Variants in CDH4 observed in about 807,000 individuals in gnomAD.
CDH4 encodes the protein cadherin 4.
In CDH4, 33 loss-of-function variants were observed where a neutral mutation model predicts 86.0. The observed-to-expected ratio is 0.38, with a 90% CI of 0.29 to 0.51. CDH4 has a LOEUF of 0.51. Among genes scored for constraint, CDH4 ranks in the 20% least tolerant of loss-of-function variants. CDH4 has a pLI of 0.86. For synonymous variants in CDH4, 555 were observed against 549.4 expected (o/e 1.01, Z -0.14); for missense variants, 1,114 against 1,307.4 (o/e 0.85, Z 2.28).
chr20:61,839,475 T>G (rs1982040500), intron 4 of CDH4, among the ~76,000 whole-genome samples: 1 of 151,568 alleles, frequency 6.6e-6, no homozygotes, highest in Non-Finnish European at 1.5e-5. Flanking sequence ...ACTGTGCATG[T>G]GTATGTGTGT....
At chr20:61,341,228 T>C (rs2084647758) in intron 2 of CDH4, among the ~76,000 whole-genome samples, 1 of 152,240 alleles carries the variant, frequency 6.6e-6, no homozygotes. Context: ...GAAATCATTT[T>C]GGTTGAAGGC....
chr20:61,775,466 T>C (rs1308570525), intron 4 of CDH4, among the ~76,000 whole-genome samples: 2 of 152,210 alleles, frequency 1.3e-5, no homozygotes, highest in Non-Finnish European at 2.9e-5. Context: ...GTGGTAAATA[T>C]TCTAGGCATT....
intron 4 of CDH4, among the ~76,000 whole-genome samples, chr20:61,788,551 G>A (rs1979005209): frequency 6.6e-6 from 1 of 152,218 alleles, no homozygotes; most frequent in African/African-American, 2.4e-5. Flanking sequence ...CCCTGGAGCT[G>A]ACAGAGGAGA....
intron 2 of CDH4, among the ~76,000 whole-genome samples, chr20:61,396,457 T>A (rs951301910): frequency 6.6e-6 from 1 of 152,146 alleles, no homozygotes; most frequent in Non-Finnish European, 1.5e-5. Context: ...CCGGTGTTTC[T>A]CAAATTGCGT....
At position 61,317,974 on chromosome 20, in the gene CDH4, C is replaced by T. The variant is rs74588818; in HGVS notation, c.169+63037C>T. On this transcript the variant is annotated intron_variant, in intron 2 of 15. Coordinates refer to ENST00000614565, the MANE Select transcript of CDH4 (RefSeq NM_001794.5). ...GTTGTGCACACTTATTGGAGGAAAA[C>T]GCCAACTGTGTTTGTTCTTAGCAAA... is the stretch of plus-strand genomic sequence containing the variant. 2.6e-4 allele frequency among the ~76,000 whole-genome samples: 40 copies of T among 152,322 alleles called. No homozygotes were observed. The East Asian group carries it at 3.9e-3, about 15-fold the overall frequency.
At chr20:61,542,678 A>C (rs943874792) in intron 2 of CDH4, among the ~76,000 whole-genome samples, 1 of 152,254 alleles carries the variant, frequency 6.6e-6, no homozygotes, top group East Asian at 1.9e-4. Context: ...GGGAATATTT[A>C]TAATCAGAAC....
intron 4 of CDH4, among the ~76,000 whole-genome samples, chr20:61,819,388 G>T (rs373751135): frequency 6.6e-6 from 1 of 150,852 alleles, no homozygotes; most frequent in South Asian, 2.2e-4. Context: ...GCTCTGCCCC[G>T]GGAGCGTTCC....
chr20:61,371,672 C>T (rs1011511704), intron 2 of CDH4, among the ~76,000 whole-genome samples: 4 of 152,206 alleles, frequency 2.6e-5, no homozygotes, highest in African/African-American at 9.6e-5. Flanking sequence ...TTACCAGCTT[C>T]GTGGCTGGGT....
intron 2 of CDH4, among the ~76,000 whole-genome samples, chr20:61,603,272 C>T (rs991128150): frequency 1.3e-5 from 2 of 152,052 alleles, no homozygotes; most frequent in Non-Finnish European, 2.9e-5. Context: ...AGAGTGTTTG[C>T]AGGAATGGTG....
intron 2 of CDH4, among the ~76,000 whole-genome samples, chr20:61,587,695 G>T (rs569558631): frequency 9.1e-4 from 139 of 152,262 alleles, no homozygotes; most frequent in Non-Finnish European, 1.7e-3. Flanking sequence ...TGGCTGTAGG[G>T]TAACTCAAAG....
intron 2 of CDH4, among the ~76,000 whole-genome samples, chr20:61,691,449 G>T (rs1027756470): frequency 6.6e-6 from 1 of 151,412 alleles, no homozygotes; most frequent in African/African-American, 2.4e-5. Context: ...GTGTCTGTGT[G>T]TATGTGTGTG....
At chr20:61,699,640 G>A (rs1363059210) in intron 2 of CDH4, among the ~76,000 whole-genome samples, 1 of 152,216 alleles carries the variant, frequency 6.6e-6, no homozygotes, top group African/African-American at 2.4e-5. Context: ...CCTTTCTCGA[G>A]CCTGTGTAGT....
chr20:61,929,554 T>A, intron 12 of CDH4, 55 bp from the exon 13 acceptor site: 2 of 1,405,764 alleles, frequency 1.4e-6, no homozygotes, highest in Non-Finnish European at 2.0e-6. Context: ...TTGGACGTCT[T>A]GCTTGGAAGC....
At chr20:61,666,895 A>G (rs183807729) in intron 2 of CDH4, among the ~76,000 whole-genome samples, 36 of 152,304 alleles carry the variant, frequency 2.4e-4, no homozygotes, top group Admixed American at 1.7e-3. Context: ...GTGTGGTTAC[A>G]CTTGCCAGGG....
intron 2 of CDH4, among the ~76,000 whole-genome samples, chr20:61,592,613 C>T (rs6121715): frequency 0.036 from 5,550 of 152,214 alleles, 149 homozygotes; most frequent in Middle Eastern, 0.095. Context: ...ATTAAGCAGT[C>T]ACTCCCCTTT....
chr20:61,751,992 G>A (rs553295063), intron 3 of CDH4, among the ~76,000 whole-genome samples: 12 of 152,332 alleles, frequency 7.9e-5, no homozygotes, highest in East Asian at 7.7e-4. Context: ...CACATGGCAC[G>A]TGAAGCGTGA....
chr20:61,340,589 CTTT>C (rs369441824), intron 2 of CDH4, among the ~76,000 whole-genome samples: 1 of 144,878 alleles, frequency 6.9e-6, no homozygotes. Flanking sequence ...TTATATGTTT[CTTT>C]TTTTTTTTTC....
chr20:61,828,311 T>TC (rs1230275141), intron 4 of CDH4, among the ~76,000 whole-genome samples: 1 of 151,950 alleles, frequency 6.6e-6, no homozygotes, highest in Admixed American at 6.6e-5. Context: ...AGTATTTGCC[T>TC]CCCCCCATTA....
chr20:61,685,112 A>G (rs6061730), intron 2 of CDH4, among the ~76,000 whole-genome samples: 38,288 of 151,940 alleles, frequency 0.25, 6,682 homozygotes, highest in African/African-American at 0.48. Flanking sequence ...CAACAGCCAC[A>G]AATACACCTT....
Sources: allele counts gnomAD v4.1 joint callset (sites outside exome capture counted in the v4.1 genomes callset), GRCh38; gene constraint gnomAD v4.1.1; transcripts MANE v1.5; gene names NCBI Gene and HGNC (gene_info 2026-07-23, HGNC 2026-07-21).